IGSF1: variants seen among roughly 807,000 people sequenced by gnomAD.
The protein encoded by IGSF1 is immunoglobulin-like domain-containing protein 1.
IGSF1 carries 40 observed loss-of-function variants against 95.3 expected under a neutral mutation model. The observed-to-expected ratio is 0.42, with a 90% CI of 0.33 to 0.55. The LOEUF is 0.55. Ranked by LOEUF, IGSF1 falls within the 20% of genes least tolerant of loss-of-function variation. The pLI is 0.10. For missense variants in IGSF1, 906 were observed against 1,025.4 expected, an observed-to-expected ratio of 0.88 and a Z score of 1.59; for synonymous variants, 372 against 382.9, an observed-to-expected ratio of 0.97 and a Z score of 0.33.
rs201678332 is a variant in IGSF1, at chrX:131,279,258, C to T, written c.1717+13G>A. 6.5e-5 allele frequency: 78 copies of T among 1,208,329 alleles called. No homozygotes were observed. Among genetic ancestry groups the T allele is most frequent in the Non-Finnish European group, 8.2e-5 (73 of 893,907 alleles). ...GCCTTCTGCCCGGGGCCCCTTCCCCCACTTGTACTCACCACAGCAGAGAAG... is the reference window on the plus strand; with the variant it reads ...GCCTTCTGCCCGGGGCCCCTTCCCCTACTTGTACTCACCACAGCAGAGAAG... On this transcript the variant is annotated intron_variant, in intron 10 of 19. Coordinates refer to ENST00000361420, the MANE Select transcript of IGSF1 (RefSeq NM_001555.5).
rs753155514 is a variant in IGSF1, at chrX:131,277,134, G to C, written c.2413C>G (p.His805Asp). Reference protein sequence around the residue: ...VTFNCSTPHQHMSFILYKDGS... With the variant: ...VTFNCSTPHQDMSFILYKDGS... ...TCTTTGTAAAGAATAAAGCTCATAT[G>C]CTGGTGGGGGGTGGAGCAATTGAAA... The change falls in exon 14 of 20, where the codon CAT becomes GAT. Residue 805 changes from histidine to aspartate, a missense_variant. Transcript: ENST00000361420. The C allele has an allele frequency of 8.3e-7, 1 of 1,210,920 alleles. No individual in the cohort carries two copies. Among genetic ancestry groups the C allele is most frequent in the East Asian group, 3.0e-5 (1 of 33,827 alleles).
rs771589427 is a variant in IGSF1, at chrX:131,285,785, G to A, written c.361C>T (p.Leu121=). The A allele has an allele frequency of 8.3e-7, 1 of 1,209,343 alleles. No homozygotes were observed. Among genetic ancestry groups the A allele is most frequent in the Admixed American group, 2.2e-5 (1 of 45,923 alleles). Residue 121 remains leucine (L), a synonymous_variant, in exon 4 of 20, where the codon CTA becomes TTA. Transcript: ENST00000361420. ...ETGWSKPSKV[L]ELEAPGQLPK... is the part of the protein sequence containing the mutation. ...ATCTTACCTGGTGCCTCCAACTCTA[G>A]AACTTTACTGGGCTTTGACCAGCCT...
chrX:131,281,625 G>A lies in IGSF1; in HGVS notation c.1525+41C>T, dbSNP rs375505323. On this transcript the variant is annotated intron_variant, in intron 8 of 19. Coordinates refer to ENST00000361420, the MANE Select transcript of IGSF1 (RefSeq NM_001555.5). ...TTCTGGGCACTGATCTGGGATCCCTGGGGTATGGAGGGGCATTCCTCTGAA... is the reference window on the plus strand; with the variant it reads ...TTCTGGGCACTGATCTGGGATCCCTAGGGTATGGAGGGGCATTCCTCTGAA... 164 of 1,167,182 alleles carry A rather than the reference G, an allele frequency of 1.4e-4. No homozygotes were observed. The African/African-American group carries it at 2.7e-3, about 19-fold the overall frequency.
chrX:131,277,760 C>G lies in IGSF1; in HGVS notation c.2320+96G>C, dbSNP rs1272839664. Reference sequence around the variant, plus strand: ...ATTGGACACAGGCTCTCAGGACCAGCAGCAAAGTTTGCTGCAGGGAGAGGA... The same window carrying G: ...ATTGGACACAGGCTCTCAGGACCAGGAGCAAAGTTTGCTGCAGGGAGAGGA... On this transcript the variant is annotated intron_variant, in intron 13 of 19. Coordinates refer to ENST00000361420, the MANE Select transcript of IGSF1 (RefSeq NM_001555.5). 3.0e-6 allele frequency: 3 copies of G among 988,924 alleles called. No homozygotes were observed. In the African/African-American group the frequency reaches 5.8e-5, roughly 19 times the overall value. The allele number at this position is 988,924 out of a possible 1,213,427, so 81.5% of individuals were successfully genotyped here.
At chrX:131,277,311 A>C in intron 13 of IGSF1, 85 bp from the exon 14 acceptor site, 1 of 908,268 alleles carries the variant, frequency 1.1e-6, no homozygotes, top group Non-Finnish European at 1.5e-6. Context: ...GAAAGCAAAT[A>C]TAGCAAATAT....
chrX:131,275,075 A>G lies in IGSF1; in HGVS notation c.3396T>C (p.Tyr1132=), dbSNP rs764754381. The change falls in exon 17 of 20, where the codon TAT becomes TAC. Residue 1132 remains tyrosine, a synonymous_variant. Coordinates refer to ENST00000361420, the MANE Select transcript of IGSF1 (RefSeq NM_001555.5). ...PAVRGEDSGI[Y]SCVYYLDSTP... ...TAGAGTCCAAATAATAAACACAGCT[A>G]TAGATCCCAGAGTCTTCACCTCTCA... 3.7e-5 allele frequency: 45 copies of G among 1,209,108 alleles called. No homozygotes were observed. The highest frequency in any genetic ancestry group is 4.7e-5 in the Non-Finnish European group (42 of 894,286).
At position 131,281,934 on chromosome X, in the gene IGSF1, G is replaced by T. The variant is rs985829582; in HGVS notation, c.1257C>A (p.Pro419=). ...TVELMVVDKP[P]KPSLSAWPST... Reference sequence around the variant, plus strand: ...TTGGCCAAGCTGACAGGGAGGGTTTGGGGGGCTTATCTGAAACCAATCCAG... The same window carrying T: ...TTGGCCAAGCTGACAGGGAGGGTTTTGGGGGCTTATCTGAAACCAATCCAG... The change falls in exon 8 of 20, where the codon CCC becomes CCA. Residue 419 remains proline, a synonymous_variant. Transcript: ENST00000361420. The T allele has an allele frequency of 3.3e-6, 4 of 1,203,870 alleles. No homozygotes were observed. The highest frequency in any genetic ancestry group is 4.5e-6 in the Non-Finnish European group (4 of 890,243).
intron 16 of IGSF1, 46 bp from the exon 17 acceptor site, chrX:131,275,332 G>C: frequency 8.5e-7 from 1 of 1,172,414 alleles, no homozygotes; most frequent in Non-Finnish European, 1.2e-6. Flanking sequence ...TCACTTTCCA[G>C]TGCATCACCC....
intron 1 of IGSF1, among the ~76,000 whole-genome samples, chrX:131,287,225 GA>G (rs2080657346): frequency 9.2e-6 from 1 of 108,172 alleles, no homozygotes; most frequent in Non-Finnish European, 1.9e-5. Context: ...CAACTTAAGA[GA>G]GGGGGCATTA....
rs1168965114 is a variant in IGSF1, at chrX:131,278,516, T to C, written c.1986A>G (p.Ser662=). 1.7e-6 allele frequency: 2 copies of C among 1,209,534 alleles called. No individual in the cohort carries two copies. The highest frequency in any genetic ancestry group is 2.2e-6 in the Non-Finnish European group (2 of 893,897). ...QSHTGSYHCH[S]WEEMAVSEPS... is the part of the protein sequence containing the mutation. ...GCTCCGATACAGCCATCTCCTCCCA[T>C]GAATGGCAGTGGTAGCTCCCGGTGT... Residue 662 remains serine (S), a synonymous_variant, in exon 12 of 20, where the codon TCA becomes TCG. Transcript: ENST00000361420.
intron 12 of IGSF1, 83 bp downstream of exon 12, chrX:131,278,378 G>A: frequency 1.0e-6 from 1 of 952,525 alleles, no homozygotes; most frequent in South Asian, 2.3e-5. Flanking sequence ...GTCCCTGTGA[G>A]TTCATTCCCT....
At position 131,277,850 on chromosome X, in the gene IGSF1, C is replaced by T. The variant is rs376149601; in HGVS notation, c.2320+6G>A. 35 of 1,204,168 alleles carry T rather than the reference C, an allele frequency of 2.9e-5. No homozygotes were observed. The East Asian group carries it at 4.8e-4, about 16-fold the overall frequency. ...CCCTTTCCTCCCACACCCTTTTCAG[C>T]TCTACCTTTTATGACAAGCTCCAGC... On this transcript the variant is annotated splice_donor_region_variant and intron_variant, in intron 13 of 19. Transcript: ENST00000361420.
intron 12 of IGSF1, 53 bp downstream of exon 12, chrX:131,278,407 TG>T (rs2080507211): frequency 2.8e-6 from 3 of 1,061,778 alleles, no homozygotes; most frequent in Non-Finnish European, 3.8e-6. Context: ...GGAGCAGTGT[TG>T]GAGTCCCAGG....
chrX:131,281,517 G>T (rs779625875), intron 8 of IGSF1, 149 bp downstream of exon 8: 31 of 859,674 alleles, frequency 3.6e-5, no homozygotes, highest in Non-Finnish European at 4.9e-5. Flanking sequence ...CTGCCTTTGA[G>T]GAATTGTGAG....
In IGSF1 at chrX:131,283,003, T is replaced by A. The variant is rs149475767; in HGVS notation, c.929A>T (p.Asp310Val). ...DASYRGSLLSDVLKIWVTDTF... is the reference protein window; with the variant it reads ...DASYRGSLLSVVLKIWVTDTF... ...ACCAGTCACCCAGATTTTCAGGACA[T>A]CACTAAGGAGTGAACCTCTATATGA... The change falls in exon 6 of 20, where the codon GAT (aspartate) becomes GTT (valine). Residue 310 changes from aspartate to valine, a missense_variant. Asp to Val is a radical substitution (Grantham distance 152). Coordinates refer to ENST00000361420, the MANE Select transcript of IGSF1 (RefSeq NM_001555.5). 458 of 1,205,257 alleles carry A rather than the reference T, an allele frequency of 3.8e-4. No homozygotes were observed. The highest frequency in any genetic ancestry group is 5.0e-4 in the Non-Finnish European group (444 of 890,633).
chrX:131,277,279 C>A, intron 13 of IGSF1, 53 bp from the exon 14 acceptor site: 1 of 1,042,527 alleles, frequency 9.6e-7, no homozygotes, highest in Non-Finnish European at 1.3e-6. Flanking sequence ...AACACAAAAC[C>A]AAATTAAGAA....
rs148561785 is a variant in IGSF1 at position 131,275,855 on chromosome X, C to T, written c.2897-90G>A. The T allele has an allele frequency of 7.3e-3, 8,400 of 1,145,400 alleles. 18 individuals carry two copies. Among genetic ancestry groups the T allele is most frequent in the Non-Finnish European group, 8.9e-3 (7,471 of 843,171 alleles). 94.4% of individuals were successfully genotyped at this position (1,145,400 alleles called of 1,213,427 possible). ...CACTCTATCTTTCTCCTCTTGGGCA[C>T]GGTAGTTCCCCTCCGTGGCCTAGCC... is the stretch of plus-strand genomic sequence containing the variant. On this transcript the variant is annotated intron_variant, in intron 15 of 19. Coordinates refer to ENST00000361420, the MANE Select transcript of IGSF1 (RefSeq NM_001555.5).
chrX:131,278,275 T>C (rs1351991191), intron 12 of IGSF1, 141 bp from the exon 13 acceptor site: 1 of 720,012 alleles, frequency 1.4e-6, no homozygotes, highest in Non-Finnish European at 2.0e-6. Context: ...TCACACTCTC[T>C]TTCCCATTCC....
Position 131,276,187 on chromosome X carries a change from A to C in IGSF1, c.2670T>G (p.Ser890Arg), listed in dbSNP as rs1387551405. The change falls in exon 15 of 20, where the codon AGT becomes AGG. Residue 890 changes from serine to arginine, a missense_variant. By Grantham distance (110) the Ser-to-Arg change is moderately radical (BLOSUM62 -1). Around this residue, in one of 5 missense-constraint regions of IGSF1, gnomAD observed 411 missense variants for 494.9 expected, o/e 0.83. Transcript: ENST00000361420. Reference sequence around the variant, plus strand: ...AAGTCCCTTGGCAGCGCAGGATCACACTCTTCCCAGGAAACACCACAGGAC... The same window carrying C: ...AAGTCCCTTGGCAGCGCAGGATCACCCTCTTCCCAGGAAACACCACAGGAC... ...QPGPVVFPGK[S>R]VILRCQGTFQ... The C allele has an allele frequency of 8.3e-7, 1 of 1,207,864 alleles. No individual in the cohort carries two copies. The highest frequency in any genetic ancestry group is 1.8e-5 in the African/African-American group (1 of 56,913).
Sources: allele counts gnomAD v4.1 joint callset (sites outside exome capture counted in the v4.1 genomes callset), GRCh38; gene constraint gnomAD v4.1.1; regional missense constraint gnomAD v4.1.1; transcripts MANE v1.5; gene names NCBI Gene and HGNC (gene_info 2026-07-23, HGNC 2026-07-21).